The following COL9A3 variants were observed in gnomAD, a reference collection of about 807,000 sequenced individuals.
COL9A3 encodes collagen alpha-3(IX) chain.
Under a neutral mutation model 110.2 loss-of-function variants are expected in COL9A3, and 82 were observed. That is an observed-to-expected ratio of 0.74 (90% CI 0.62 to 0.89). The LOEUF (loss-of-function observed/expected upper bound fraction) is 0.89, where lower values mean the gene tolerates loss of function less well. Among genes scored for constraint, COL9A3 ranks in the 40% least tolerant of loss-of-function variants. COL9A3 has a pLI of 0.00. For synonymous variants in COL9A3, 494 were observed against 403.8 expected (o/e 1.22, Z -2.68); for missense variants, 1,066 against 981.3 (o/e 1.09, Z -1.15).
Position 62,825,746 on chromosome 20 carries a change from T to G in COL9A3, c.631-71T>G, listed in dbSNP as rs776709073. The G allele has an allele frequency of 2.2e-4, 321 of 1,474,692 alleles. 1 individual carries two copies. The highest frequency in any genetic ancestry group is 2.8e-4 in the Non-Finnish European group (305 of 1,078,818). The allele number at this position is 1,474,692 out of a possible 1,614,324, so 91.4% of individuals were successfully genotyped here. Reference sequence around the variant, plus strand: ...CCCAGCTGCTTGGGCTTGAGTAGGGTGACTGGAGGCACCGAAAGGTGCAAG... The same window carrying G: ...CCCAGCTGCTTGGGCTTGAGTAGGGGGACTGGAGGCACCGAAAGGTGCAAG... On this transcript the variant is annotated intron_variant, in intron 12 of 31. Transcript: ENST00000649368.
In COL9A3 at chr20:62,836,520, G is replaced by A. The variant is rs757493661; in HGVS notation, c.1591G>A (p.Gly531Arg). 3.8e-5 allele frequency: 61 copies of A among 1,611,988 alleles called. 3 individuals are homozygous for A. The South Asian group carries it at 6.1e-4, about 16-fold the overall frequency. ...SEQRIRELCG[G>R]MISEQIAQLA... ...GCAGCGCATCAGGGAGCTGTGTGGG[G>A]GGATGATCAGCGGTAAGTCAGCCAC... The change falls in exon 29 of 32, where the codon GGG (glycine) becomes AGG (arginine). Residue 531 changes from glycine to arginine, a missense_variant. Gly to Arg is a moderately radical substitution (Grantham distance 125). Transcript: ENST00000649368.
Position 62,827,257 on chromosome 20 carries a change from G to C in COL9A3, c.809G>C (p.Arg270Thr). The change falls in exon 16 of 32, where the codon AGG becomes ACG. Residue 270 changes from arginine (R) to threonine (T), a missense_variant. Physicochemically the swap from Arg to Thr is moderately conservative, Grantham distance 71 (BLOSUM62 -1). Coordinates refer to ENST00000649368, the MANE Select transcript of COL9A3 (RefSeq NM_001853.4). Reference protein sequence around the residue: ...APGKAGDRGERGPEGFRGPKG... With the variant: ...APGKAGDRGETGPEGFRGPKG... ...CCTTTCCAGGGTGACCGAGGCGAGA[G>C]GGGCCCAGAAGGGTTCCGCGGCCCC... is the stretch of plus-strand genomic sequence containing the variant. 1 of 1,613,306 alleles carries C rather than the reference G, an allele frequency of 6.2e-7. No individual in the cohort carries two copies. Among genetic ancestry groups the C allele is most frequent in the Non-Finnish European group, 8.5e-7 (1 of 1,179,972 alleles).
intron 26 of COL9A3, 113 bp downstream of exon 26, chr20:62,833,177 G>A (rs975378309): frequency 2.8e-5 from 25 of 895,624 alleles, no homozygotes; most frequent in African/African-American, 2.0e-4. Flanking sequence ...GTGGAAGATC[G>A]GCAGCTCTGC....
chr20:62,818,424 C>A, intron 2 of COL9A3, 94 bp from the exon 3 acceptor site: 2 of 1,242,062 alleles, frequency 1.6e-6, no homozygotes, highest in Non-Finnish European at 1.2e-6. Flanking sequence ...GCCTCTGGGG[C>A]TGATTTGGAG....
At chr20:62,819,906 G>T in intron 4 of COL9A3, 23 bp from the exon 5 acceptor site, 1 of 1,612,596 alleles carries the variant, frequency 6.2e-7, no homozygotes, top group Non-Finnish European at 8.5e-7. Context: ...GGCCCCTCGA[G>T]CTCGCCCTCT....
intron 1 of COL9A3, 43 bp downstream of exon 1, chr20:62,817,185 GA>G: frequency 1.5e-6 from 2 of 1,319,224 alleles, no homozygotes; most frequent in Middle Eastern, 5.6e-4. Flanking sequence ...GTGGAGCCGC[GA>G]CCGCCCCAGC....
intron 30 of COL9A3, 86 bp from the exon 31 acceptor site, chr20:62,838,598 T>C (rs923312458): frequency 3.3e-6 from 4 of 1,228,932 alleles, no homozygotes; most frequent in Non-Finnish European, 4.7e-6. Flanking sequence ...TGGCACCCTG[T>C]TTGTTACAAA....
chr20:62,825,390 C>G, intron 12 of COL9A3: 1 of 333,362 alleles, frequency 3.0e-6, no homozygotes, highest in Non-Finnish European at 5.5e-6. Context: ...GTGAGGATGG[C>G]TGGCTTTAGC....
At chr20:62,819,874 G>T (rs951282985) in intron 4 of COL9A3, 55 bp from the exon 5 acceptor site, 8 of 1,604,018 alleles carry the variant, frequency 5.0e-6, no homozygotes, top group Non-Finnish European at 6.8e-6. Flanking sequence ...TTTGCCTGGG[G>T]GGTGGCATGT....
intron 24 of COL9A3, chr20:62,831,291 C>G (rs2063595460): frequency 6.6e-6 from 1 of 152,332 alleles, no homozygotes; most frequent in Non-Finnish European, 1.5e-5. Context: ...GGCCCCAGCT[C>G]ACTGGAAGGA....
rs2063673962 is a variant in COL9A3 at position 62,840,938 on chromosome 20, AAACCTGT to A, written c.*209_*215del. On this transcript the variant is annotated 3_prime_UTR_variant, in exon 32 of 32. Coordinates refer to ENST00000649368, the MANE Select transcript of COL9A3 (RefSeq NM_001853.4). ...CATACCTCAAAAGGCCCTAGCTAAT[AAACCTGT>A]AAGCCCAGCATTTGAGAGAAGGTAG... is the stretch of plus-strand genomic sequence containing the variant. The A allele has an allele frequency of 3.3e-6, 2 of 598,750 alleles. No homozygotes were observed. Among genetic ancestry groups the A allele is most frequent in the Non-Finnish European group, 6.0e-6 (2 of 331,534 alleles). 37.1% of individuals were successfully genotyped at this position (598,750 alleles called of 1,614,324 possible). A position where few individuals can be genotyped will look rare whatever the true frequency, so the allele number is the denominator to read the frequency against.
intron 12 of COL9A3, 69 bp from the exon 13 acceptor site, chr20:62,825,748 A>C (rs999875471): frequency 1.8e-5 from 27 of 1,476,450 alleles, no homozygotes; most frequent in Non-Finnish European, 2.5e-5. Context: ...GAGTAGGGTG[A>C]CTGGAGGCAC....
At chr20:62,819,380 G>T in intron 4 of COL9A3, 87 bp downstream of exon 4, 1 of 1,326,080 alleles carries the variant, frequency 7.5e-7, no homozygotes, top group East Asian at 2.4e-5. Context: ...TTGTCCAGCT[G>T]GGCCTGCTCA....
At chr20:62,835,052 A>G (rs538219322) in intron 26 of COL9A3, among the ~76,000 whole-genome samples, 1 of 152,330 alleles carries the variant, frequency 6.6e-6, no homozygotes, top group East Asian at 1.9e-4. Context: ...GCAGGCGGAA[A>G]ACCTAAGGCT....
At position 62,827,178 on chromosome 20, in the gene COL9A3, G is replaced by A. The variant is rs372075246; in HGVS notation, c.793-63G>A. 7.6e-4 allele frequency: 1,207 copies of A among 1,582,194 alleles called. 9 individuals carry two copies. Among genetic ancestry groups the A allele is most frequent in the South Asian group, 4.9e-3 (439 of 90,436 alleles). On this transcript the variant is annotated intron_variant, in intron 15 of 31. Transcript: ENST00000649368. ...CCCGCCCGGGCCTGGAGGGGCCCCC[G>A]TCCTACTCTCCGACCAACTCCATGG... is the stretch of plus-strand genomic sequence containing the variant.
rs1156824530 is a variant in COL9A3, at chr20:62,840,923, A to G, written c.*191A>G. On this transcript the variant is annotated 3_prime_UTR_variant, in exon 32 of 32. Transcript: ENST00000649368. Reference sequence around the variant, plus strand: ...GCTGTCGCCTGACAGCATACCTCAAAAGGCCCTAGCTAATAAACCTGTAAG... The same window carrying G: ...GCTGTCGCCTGACAGCATACCTCAAGAGGCCCTAGCTAATAAACCTGTAAG... The G allele has an allele frequency of 3.2e-6, 2 of 615,800 alleles. No homozygotes were observed. Among genetic ancestry groups the G allele is most frequent in the Non-Finnish European group, 5.9e-6 (2 of 341,086 alleles). The allele number at this position is 615,800 out of a possible 1,614,324, so 38.1% of individuals were successfully genotyped here. A position where few individuals can be genotyped will look rare whatever the true frequency, so the allele number is the denominator to read the frequency against.
rs2063519666 is a variant in COL9A3 at position 62,822,443 on chromosome 20, C to T, written c.478-148C>T. The T allele has an allele frequency of 3.8e-5, 33 of 864,762 alleles. No homozygotes were observed. In the South Asian group the frequency reaches 4.8e-4, roughly 13 times the overall value. 53.6% of individuals were successfully genotyped at this position (864,762 alleles called of 1,614,324 possible). On this transcript the variant is annotated intron_variant, in intron 9 of 31. Transcript: ENST00000649368. ...GTGGGTGGGCCAGCAGCTCCCAGCA[C>T]TGGCCACTTGGGGGACAGGATGAAG...
chr20:62,832,406 G>A (rs562929330), intron 25 of COL9A3, among the ~76,000 whole-genome samples: 4 of 152,364 alleles, frequency 2.6e-5, no homozygotes, highest in Non-Finnish European at 4.4e-5. Context: ...GGCACGCCCC[G>A]GCATCCGCCG....
Position 62,821,204 on chromosome 20 carries a change from G to C in COL9A3, c.333G>C (p.Pro111=). The C allele has an allele frequency of 3.1e-6, 5 of 1,613,174 alleles. No individual in the cohort carries two copies. The highest frequency in any genetic ancestry group is 4.2e-6 in the Non-Finnish European group (5 of 1,179,728). The change falls in exon 6 of 32, where the codon CCG becomes CCC. Residue 111 remains proline, a synonymous_variant. Transcript: ENST00000649368. The part of the protein sequence containing the change: ...GERGSLGPPG[P]PGLGGKGLPG... The stretch of plus-strand genomic sequence containing the variant: ...AGGGAAGTCTGGGACCCCCGGGGCC[G>C]CCCGGGCTGGGGGTGAGTATGGAGT...
Sources: allele counts gnomAD v4.1 joint callset (sites outside exome capture counted in the v4.1 genomes callset), GRCh38; gene constraint gnomAD v4.1.1; transcripts MANE v1.5; gene names NCBI Gene and HGNC (gene_info 2026-07-23, HGNC 2026-07-21).